The following SUPT6H variants were observed in gnomAD, a reference collection of about 807,000 sequenced individuals.
The protein encoded by SUPT6H is SPT6 homolog, histone chaperone and transcription elongation factor, also known as transcription elongation factor SPT6.
Under a neutral mutation model 222.3 loss-of-function variants are expected in SUPT6H, and 11 were observed. That is an observed-to-expected ratio of 0.05 (90% CI 0.03 to 0.08). The LOEUF is 0.08. Ranked by LOEUF, SUPT6H falls within the 10% of genes least tolerant of loss-of-function variation. The pLI is 1.00. For synonymous variants in SUPT6H, 762 were observed against 801.2 expected, an observed-to-expected ratio of 0.95 and a Z score of 0.83; for missense variants, 1,422 against 2,216.0, an observed-to-expected ratio of 0.64 and a Z score of 7.19.
intron 1 of SUPT6H, among the ~76,000 whole-genome samples, chr17:28,668,180 C>T (rs941768159): frequency 6.6e-6 from 1 of 152,212 alleles, no homozygotes. Context: ...CATCTCCCCA[C>T]TGCCCTTCTA....
intron 17 of SUPT6H, 136 bp from the exon 18 acceptor site, chr17:28,684,450 A>G (rs1248537312): frequency 9.5e-7 from 1 of 1,058,166 alleles, no homozygotes; most frequent in Non-Finnish European, 1.4e-6. Flanking sequence ...AAGCCTGCCA[A>G]TGGCTAGGAA....
intron 29 of SUPT6H, among the ~76,000 whole-genome samples, chr17:28,695,902 G>C (rs567895760): frequency 1.3e-3 from 204 of 152,270 alleles, no homozygotes; most frequent in Non-Finnish European, 1.4e-3. Flanking sequence ...GGTGGCTCAC[G>C]GCTGTAGCCC....
intron 1 of SUPT6H, chr17:28,670,119 C>T (rs931978696): frequency 1.3e-5 from 2 of 152,174 alleles, no homozygotes; most frequent in African/African-American, 4.8e-5. Flanking sequence ...GGGACTGGCC[C>T]CTGGACCACG....
intron 7 of SUPT6H, 72 bp from the exon 8 acceptor site, chr17:28,677,643 C>G: frequency 9.0e-7 from 1 of 1,107,318 alleles, no homozygotes; most frequent in Non-Finnish European, 1.4e-6. Context: ...CGTTTCTGTC[C>G]AAAAAGGTAT....
chr17:28,683,799 A>C lies in SUPT6H; in HGVS notation c.2212A>C (p.Lys738Gln). 1 of 1,613,586 alleles carries C rather than the reference A, an allele frequency of 6.2e-7. No homozygotes were observed. The highest frequency in any genetic ancestry group is 2.2e-5 in the East Asian group (1 of 44,872). ...ELKNKLLAEA[K>Q]EYVIKACSRK... ...CAAGAACAAGCTGCTGGCTGAAGCC[A>C]AGGAATATGTCATAAAGGTGAGGAC... The change falls in exon 17 of 37, where the codon AAG becomes CAG. Residue 738 changes from lysine (K) to glutamine (Q), a missense_variant. Coordinates refer to ENST00000314616, the MANE Select transcript of SUPT6H (RefSeq NM_003170.5).
In SUPT6H at chr17:28,697,752, G is replaced by A; in HGVS notation, c.4323+19G>A. 1 of 1,613,086 alleles carries A rather than the reference G, an allele frequency of 6.2e-7. No individual in the cohort carries two copies. The highest frequency in any genetic ancestry group is 8.5e-7 in the Non-Finnish European group (1 of 1,179,084). ...CCGCAAGGTAAGCCCAGGGCCCTCT[G>A]AGGAATGACACTTGCCAATCACTTA... On this transcript the variant is annotated intron_variant, in intron 31 of 36. Transcript: ENST00000314616.
At chr17:28,663,827 C>CTTTTTTTTTTTTTTTTTTTTTTTTTTTT (rs1567681347) in intron 1 of SUPT6H, among the ~76,000 whole-genome samples, 5 of 8,404 alleles carry the variant, frequency 5.9e-4, no homozygotes, top group South Asian at 6.6e-3. Flanking sequence ...CTGCCCACTC[C>CTTTTTTTTTTTTTTTTTTTTTTTTTTTT]ATTTTTTTTT....
chr17:28,686,230 A>G (rs1412426040), intron 19 of SUPT6H, 109 bp from the exon 20 acceptor site: 14 of 998,318 alleles, frequency 1.4e-5, no homozygotes, highest in African/African-American at 9.7e-5. Flanking sequence ...TGGACCAGAT[A>G]TCTTCTGAAG....
chr17:28,679,080 C>T (rs373741543), intron 11 of SUPT6H, 117 bp downstream of exon 11: 2 of 1,356,132 alleles, frequency 1.5e-6, no homozygotes, highest in Non-Finnish European at 2.0e-6. Flanking sequence ...CCTTAGAAAT[C>T]CAACTTGTCA....
At chr17:28,663,915 G>A (rs368351384) in intron 1 of SUPT6H, among the ~76,000 whole-genome samples, 2 of 134,654 alleles carry the variant, frequency 1.5e-5, no homozygotes, top group East Asian at 2.4e-4. Flanking sequence ...ACTGCCACCT[G>A]GAACTCCTGA....
chr17:28,662,744 A>T (rs183224406), intron 1 of SUPT6H, among the ~76,000 whole-genome samples: 2 of 152,220 alleles, frequency 1.3e-5, no homozygotes, highest in Non-Finnish European at 2.9e-5. Flanking sequence ...CAGCTCGGCC[A>T]TCAGGCTAGA....
Position 28,681,191 on chromosome 17 carries a change from G to A in SUPT6H, c.1350-65G>A, listed in dbSNP as rs1041098683. Reference sequence around the variant, plus strand: ...CTGCCTTTTGGGAATTGGACCTCTTGTAGCCAAATTGGGATATACCCTTTC... The same window carrying A: ...CTGCCTTTTGGGAATTGGACCTCTTATAGCCAAATTGGGATATACCCTTTC... On this transcript the variant is annotated intron_variant, in intron 11 of 36. Coordinates refer to ENST00000314616, the MANE Select transcript of SUPT6H (RefSeq NM_003170.5). The A allele has an allele frequency of 5.6e-6, 9 of 1,593,610 alleles. No homozygotes were observed. The African/African-American group carries it at 9.4e-5, about 17-fold the overall frequency.
intron 1 of SUPT6H, among the ~76,000 whole-genome samples, chr17:28,670,604 G>C (rs552840697): frequency 1.3e-5 from 2 of 152,004 alleles, no homozygotes; most frequent in Admixed American, 1.3e-4. Flanking sequence ...TGAACAATCC[G>C]GCCAGGCGCG....
chr17:28,678,042 A>G (rs1240925593), intron 8 of SUPT6H, 34 bp from the exon 9 acceptor site: 30 of 1,583,660 alleles, frequency 1.9e-5, no homozygotes, highest in Non-Finnish European at 2.5e-5. Flanking sequence ...CCAAGTAAAC[A>G]TTGTCTTGCT....
At position 28,676,241 on chromosome 17, in the gene SUPT6H, G is replaced by A. The variant is rs1567689120; in HGVS notation, c.708G>A (p.Leu236=). The part of the protein sequence containing the change: ...FEKYNEYDEE[L]EEEYEYEDDE... Reference sequence around the variant, plus strand: ...AATACAATGAGTATGATGAAGAACTGGAGGAAGAGTATGAGTATGAGGATG... The same window carrying A: ...AATACAATGAGTATGATGAAGAACTAGAGGAAGAGTATGAGTATGAGGATG... The change falls in exon 7 of 37, where the codon CTG becomes CTA. Residue 236 remains leucine (L), a synonymous_variant. Transcript: ENST00000314616. The A allele has an allele frequency of 5.6e-6, 9 of 1,613,718 alleles. No homozygotes were observed. Among genetic ancestry groups the A allele is most frequent in the Non-Finnish European group, 7.6e-6 (9 of 1,179,866 alleles).
Position 28,684,601 on chromosome 17 carries a change from C to A in SUPT6H, c.2245C>A (p.Leu749Ile), listed in dbSNP as rs142643575. The change falls in exon 18 of 37, where the codon CTC becomes ATC. Residue 749 changes from leucine (L) to isoleucine (I), a missense_variant. Coordinates refer to ENST00000314616, the MANE Select transcript of SUPT6H (RefSeq NM_003170.5). ...EYVIKACSRK[L>I]YNWLRVAPYR... ...CTTCCCTCAGGCCTGTAGTCGAAAG[C>A]TCTACAATTGGTTGAGAGTGGCACC... is the stretch of plus-strand genomic sequence containing the variant. The A allele has an allele frequency of 2.8e-4, 448 of 1,614,122 alleles. No individual in the cohort carries two copies. Among genetic ancestry groups the A allele is most frequent in the Non-Finnish European group, 3.5e-4 (418 of 1,180,044 alleles).
chr17:28,678,987 A>G lies in SUPT6H; in HGVS notation c.1349+24A>G, dbSNP rs766509212. The G allele has an allele frequency of 9.9e-6, 16 of 1,613,910 alleles. No homozygotes were observed. In the South Asian group the frequency reaches 1.4e-4, roughly 14 times the overall value. On this transcript the variant is annotated intron_variant, in intron 11 of 36. Coordinates refer to ENST00000314616, the MANE Select transcript of SUPT6H (RefSeq NM_003170.5). ...AGGTAAAACATGCGGTGTTTATTCC[A>G]TTATGGGAAGCCCTCAGACCCCAAG...
intron 1 of SUPT6H, among the ~76,000 whole-genome samples, chr17:28,662,905 A>C (rs1381984344): frequency 6.6e-6 from 1 of 152,210 alleles, no homozygotes; most frequent in East Asian, 1.9e-4. Flanking sequence ...ATTTCCTCAA[A>C]CGTTTGCCAG....
At chr17:28,683,926 C>T in intron 17 of SUPT6H, 110 bp downstream of exon 17, 1 of 1,031,362 alleles carries the variant, frequency 9.7e-7, no homozygotes, top group East Asian at 2.8e-5. Flanking sequence ...AGCTCTGCCT[C>T]CTAGGTTGAT....
Sources: allele counts gnomAD v4.1 joint callset (sites outside exome capture counted in the v4.1 genomes callset), GRCh38; gene constraint gnomAD v4.1.1; transcripts MANE v1.5; gene names NCBI Gene and HGNC (gene_info 2026-07-23, HGNC 2026-07-21).